ARB2A: variants seen among roughly 807,000 people sequenced by gnomAD.
The protein encoded by ARB2A is cotranscriptional regulator ARB2A.
the ARB2A span, among the ~76,000 whole-genome samples, chr5:93,956,252 T>C: frequency 3.3e-5 from 5 of 152,286 alleles, no homozygotes; most frequent in South Asian, 1.0e-3. Flanking sequence ...CCTGGGGCAT[T>C]TGGTGAAGAA....
the ARB2A span, among the ~76,000 whole-genome samples, chr5:93,626,041 C>G: frequency 6.6e-6 from 1 of 152,164 alleles, no homozygotes; most frequent in Non-Finnish European, 1.5e-5. Flanking sequence ...AAAAAGTAAT[C>G]AAAGTATGCT....
the ARB2A span, among the ~76,000 whole-genome samples, chr5:93,870,963 T>C: frequency 6.6e-6 from 1 of 152,368 alleles, no homozygotes; most frequent in South Asian, 2.1e-4. Context: ...AACTTTCTAA[T>C]GGAATAGCAT....
the ARB2A span, among the ~76,000 whole-genome samples, chr5:94,028,289 G>C: frequency 1.3e-5 from 2 of 152,188 alleles, no homozygotes; most frequent in Admixed American, 1.3e-4. Context: ...GAAAATCATG[G>C]AGGACTGTCT....
chr5:93,965,779 T>C, the ARB2A span, among the ~76,000 whole-genome samples: 4 of 152,066 alleles, frequency 2.6e-5, no homozygotes, highest in South Asian at 4.1e-4. Context: ...AAAATTAAGA[T>C]GTCAATTGCT....
At chr5:93,733,832 A>T in the ARB2A span, 1 of 152,254 alleles carries the variant, frequency 6.6e-6, no homozygotes, top group Non-Finnish European at 1.5e-5. Flanking sequence ...TTAAAAACAC[A>T]GTTTGACATA....
chr5:94,079,096 G>A, the ARB2A span, among the ~76,000 whole-genome samples: 6 of 152,122 alleles, frequency 3.9e-5, no homozygotes, highest in East Asian at 1.2e-3. Flanking sequence ...AAATAATAAA[G>A]TCTCACAACA....
the ARB2A span, among the ~76,000 whole-genome samples, chr5:94,109,455 A>C: frequency 8.5e-5 from 13 of 152,244 alleles, no homozygotes; most frequent in Admixed American, 8.5e-4. Context: ...CAAGTTGTAT[A>C]CAACTGAGTA....
chr5:94,069,561 A>G, the ARB2A span, among the ~76,000 whole-genome samples: 1 of 152,228 alleles, frequency 6.6e-6, no homozygotes, highest in African/African-American at 2.4e-5. Context: ...AATCCAGAAT[A>G]CACAAGGAAA....
chr5:93,869,890 T>C, the ARB2A span, among the ~76,000 whole-genome samples: 4 of 152,216 alleles, frequency 2.6e-5, no homozygotes, highest in African/African-American at 9.6e-5. Flanking sequence ...CACCACCCTT[T>C]GCTGATTCTC....
At chr5:93,740,620 T>C in the ARB2A span, 2 of 1,602,582 alleles carry the variant, frequency 1.2e-6, no homozygotes, top group Admixed American at 1.7e-5. Flanking sequence ...GGCAGAGGAG[T>C]GGGCTACCCC....
the ARB2A span, chr5:93,964,356 C>T: frequency 1.3e-6 from 1 of 792,402 alleles, no homozygotes; most frequent in Admixed American, 2.7e-5. Context: ...TTAAACTTAT[C>T]ACAGTCAACC....
chr5:93,692,513 A>G, the ARB2A span, among the ~76,000 whole-genome samples: 1 of 152,214 alleles, frequency 6.6e-6, no homozygotes, highest in African/African-American at 2.4e-5. Context: ...CTAAATATAT[A>G]TGCACTCAAT....
chr5:94,000,818 A>C, the ARB2A span, among the ~76,000 whole-genome samples: 1 of 152,000 alleles, frequency 6.6e-6, no homozygotes, highest in South Asian at 2.1e-4. Flanking sequence ...TTTTGAGTTA[A>C]TTTCTGCAAA....
chr5:94,109,561 A>G, the ARB2A span, among the ~76,000 whole-genome samples: 1 of 152,220 alleles, frequency 6.6e-6, no homozygotes, highest in Non-Finnish European at 1.5e-5. Context: ...TGTCTGGGAA[A>G]GCTGAAAAAA....
At chr5:93,712,269 C>T in the ARB2A span, among the ~76,000 whole-genome samples, 1 of 152,050 alleles carries the variant, frequency 6.6e-6, no homozygotes, top group African/African-American at 2.4e-5. Context: ...AAACAAAAAA[C>T]CCACCAAGCT....
the ARB2A span, chr5:93,683,761 A>T: frequency 1.9e-6 from 3 of 1,560,216 alleles, no homozygotes; most frequent in Non-Finnish European, 2.6e-6. Flanking sequence ...GCGGACGGAG[A>T]TAAAACAACG....
chr5:93,967,309 T>C, the ARB2A span, among the ~76,000 whole-genome samples: 3 of 152,168 alleles, frequency 2.0e-5, no homozygotes, highest in Admixed American at 1.3e-4. Flanking sequence ...TTCCGTTGTC[T>C]GGTCTGATGT....
chr5:93,945,989 TC>T, the ARB2A span, among the ~76,000 whole-genome samples: 2 of 152,166 alleles, frequency 1.3e-5, no homozygotes, highest in Non-Finnish European at 2.9e-5. Flanking sequence ...ATGAAACAAA[TC>T]CTTCAAATCT....
At chr5:93,751,525 A>C in the ARB2A span, among the ~76,000 whole-genome samples, 1 of 152,208 alleles carries the variant, frequency 6.6e-6, no homozygotes, top group Admixed American at 6.5e-5. Context: ...TTGGAAAAAG[A>C]CTATATTTTA....
Sources: allele counts gnomAD v4.1 joint callset (sites outside exome capture counted in the v4.1 genomes callset), GRCh38; gene constraint gnomAD v4.1.1; transcripts MANE v1.5; gene names NCBI Gene and HGNC (gene_info 2026-07-23, HGNC 2026-07-21).